Variants in MTHFD1 observed in about 807,000 individuals in gnomAD.
The protein encoded by MTHFD1 is C-1-tetrahydrofolate synthase, cytoplasmic.
In MTHFD1, 44 loss-of-function variants were observed where a neutral mutation model predicts 110.3. That is an observed-to-expected ratio of 0.40 (90% confidence interval 0.31 to 0.51). The LOEUF (loss-of-function observed/expected upper bound fraction) is 0.51, where lower values mean the gene tolerates loss of function less well. Ranked by LOEUF, MTHFD1 falls within the 20% of genes least tolerant of loss-of-function variation. The probability of loss-of-function intolerance (pLI) is 0.60; values close to 1 mark genes in which losing one functional copy is unlikely to be tolerated. For missense variants in MTHFD1, 909 were observed against 1,173.1 expected (o/e 0.77, Z 3.29); for synonymous variants, 402 against 428.8 (o/e 0.94, Z 0.77).
intron 14 of MTHFD1, 67 bp downstream of exon 14, chr14:64,431,706 GT>G (rs1259498156): frequency 8.8e-6 from 14 of 1,594,786 alleles, no homozygotes; most frequent in Non-Finnish European, 1.1e-5. Flanking sequence ...CTGAATTAGT[GT>G]TGGTGTCTTG....
Position 64,453,797 on chromosome 14 carries a change from A to G in MTHFD1, c.2501A>G (p.Tyr834Cys). Residue 834 changes from tyrosine (Y) to cysteine (C), a missense_variant, in exon 25 of 28, where the codon TAT (tyrosine) becomes TGT (cysteine). Physicochemically the swap from Tyr to Cys is radical, Grantham distance 194. Around this residue, in one of 3 missense-constraint regions of MTHFD1, gnomAD observed 482 missense variants for 646.0 expected, o/e 0.75. Transcript: ENST00000652337. ...ATCAGGATCATTGCACAGAAGATCT[A>G]TGGAGCAGATGACATTGAATTACTT... ...DKIRIIAQKI[Y>C]GADDIELLPE... 3 of 1,613,156 alleles carry G rather than the reference A, an allele frequency of 1.9e-6. No individual in the cohort carries two copies. Among genetic ancestry groups the G allele is most frequent in the Non-Finnish European group, 2.5e-6 (3 of 1,179,206 alleles).
At chr14:64,402,577 C>T (rs1001520822) in intron 2 of MTHFD1, among the ~76,000 whole-genome samples, 2 of 152,048 alleles carry the variant, frequency 1.3e-5, no homozygotes, top group Non-Finnish European at 2.9e-5. Flanking sequence ...TATAAAAATG[C>T]ATCTGTTTCA....
rs1420295164 is a variant in MTHFD1 at position 64,417,142 on chromosome 14, A to G, written c.479-746A>G. On this transcript the variant is annotated intron_variant, in intron 6 of 27. Coordinates refer to ENST00000652337, the MANE Select transcript of MTHFD1 (RefSeq NM_005956.4). The surrounding 1 kb of genome is among the most constrained non-coding windows in gnomAD (Gnocchi z 4.4). ...TTTCGGGCTCCACTTTGTGGCCACA[A>G]ACACCTACAGCCTGGTTCCATCCTC... is the stretch of plus-strand genomic sequence containing the variant. Among the ~76,000 whole-genome samples, 1 of 152,124 alleles carries G rather than the reference A, an allele frequency of 6.6e-6. No individual in the cohort carries two copies. The highest frequency in any genetic ancestry group is 1.5e-5 in the Non-Finnish European group (1 of 68,038).
chr14:64,390,137 C>T (rs2077792949), intron 1 of MTHFD1, among the ~76,000 whole-genome samples: 1 of 152,096 alleles, frequency 6.6e-6, no homozygotes, highest in African/African-American at 2.4e-5. Context: ...CCTTTCTGTG[C>T]CAAAGTTTCC....
chr14:64,459,905 C>T lies in MTHFD1; in HGVS notation c.*151C>T, dbSNP rs2078534846. On this transcript the variant is annotated 3_prime_UTR_variant, in exon 28 of 28. Transcript: ENST00000652337. ...TAATAGTAGGAGTTTCCCCAGAAGTCATTTTCAGCCTTAATTCTCATCATG... is the reference window on the plus strand; with the variant it reads ...TAATAGTAGGAGTTTCCCCAGAAGTTATTTTCAGCCTTAATTCTCATCATG... 2.0e-6 allele frequency: 3 copies of T among 1,535,944 alleles called. No individual in the cohort carries two copies. The East Asian group carries it at 7.3e-5, about 38-fold the overall frequency.
At chr14:64,432,646 T>C (rs1277501909) in intron 15 of MTHFD1, among the ~76,000 whole-genome samples, 1 of 152,200 alleles carries the variant, frequency 6.6e-6, no homozygotes, top group Non-Finnish European at 1.5e-5. Flanking sequence ...TATGATATTC[T>C]CAATAAGAGA....
At chr14:64,400,973 T>TG in intron 2 of MTHFD1, 96 bp downstream of exon 2, 1 of 909,204 alleles carries the variant, frequency 1.1e-6, no homozygotes, top group East Asian at 2.7e-5. Context: ...TTTTTTTGGC[T>TG]GTTGTGTAAT....
At chr14:64,407,697 A>G (rs1175324879) in intron 2 of MTHFD1, among the ~76,000 whole-genome samples, 1 of 151,790 alleles carries the variant, frequency 6.6e-6, no homozygotes, top group Non-Finnish European at 1.5e-5. Context: ...CTACAGGCAC[A>G]CCACCATGCC....
chr14:64,450,090 A>G (rs1040748677), intron 24 of MTHFD1, among the ~76,000 whole-genome samples: 1 of 152,236 alleles, frequency 6.6e-6, no homozygotes, highest in Non-Finnish European at 1.5e-5. Context: ...GCGTCCGCCC[A>G]GACAGCCTTC....
At chr14:64,447,699 T>G (rs536274856) in intron 22 of MTHFD1, among the ~76,000 whole-genome samples, 1 of 152,220 alleles carries the variant, frequency 6.6e-6, no homozygotes, top group South Asian at 2.1e-4. Flanking sequence ...CATCACTGCT[T>G]ACTTCATATT....
In MTHFD1 at chr14:64,447,051, G is replaced by T. The variant is rs552426218; in HGVS notation, c.2179-1166G>T. Among the ~76,000 whole-genome samples, 14 of 151,678 alleles carry T rather than the reference G, an allele frequency of 9.2e-5. No homozygotes were observed. In the South Asian group the frequency reaches 2.5e-3, roughly 27 times the overall value. ...GACGGGGTCTCCCTATGTTGCCCAG[G>T]CAGGCTGCTGTCGAACTCCTAGGTG... On this transcript the variant is annotated intron_variant, in intron 22 of 27. Coordinates refer to ENST00000652337, the MANE Select transcript of MTHFD1 (RefSeq NM_005956.4).
chr14:64,444,597 C>T, intron 21 of MTHFD1, 96 bp from the exon 22 acceptor site: 1 of 1,325,622 alleles, frequency 7.5e-7, no homozygotes, highest in Non-Finnish European at 1.1e-6. Flanking sequence ...AGCCTGCAAG[C>T]ATTGCAGCGT....
intron 22 of MTHFD1, 92 bp downstream of exon 22, chr14:64,444,826 T>C: frequency 3.6e-6 from 5 of 1,405,452 alleles, no homozygotes; most frequent in Non-Finnish European, 5.0e-6. Context: ...ATGAATGGGT[T>C]ATTGCTGTGA....
chr14:64,441,651 A>C (rs1251508626), intron 19 of MTHFD1, 198 bp downstream of exon 19: 1 of 592,712 alleles, frequency 1.7e-6, no homozygotes, highest in East Asian at 3.1e-5. Flanking sequence ...CTAAAAATAC[A>C]AAAAATTAGC....
At position 64,424,784 on chromosome 14, in the gene MTHFD1, T is replaced by A. The variant is rs764316290; in HGVS notation, c.728-20T>A. 4.3e-6 allele frequency: 7 copies of A among 1,613,320 alleles called. No individual in the cohort carries two copies. The East Asian group carries it at 1.3e-4, about 31-fold the overall frequency. On this transcript the variant is annotated intron_variant, in intron 8 of 27. Coordinates refer to ENST00000652337, the MANE Select transcript of MTHFD1 (RefSeq NM_005956.4). Reference sequence around the variant, plus strand: ...CTGTGATTCTGAGACTTAGTTTTGATTTCTCCCCCACTTGACCAGATGATA... The same window carrying A: ...CTGTGATTCTGAGACTTAGTTTTGAATTCTCCCCCACTTGACCAGATGATA...
intron 1 of MTHFD1, among the ~76,000 whole-genome samples, chr14:64,391,253 T>C (rs1378158763): frequency 2.0e-5 from 3 of 151,772 alleles, no homozygotes; most frequent in Non-Finnish European, 4.4e-5. Context: ...TAACCTCCAC[T>C]TCCTGGGTTC....
In MTHFD1 at chr14:64,411,356, C is replaced by T. The variant is rs551425304; in HGVS notation, c.186+207C>T. Among the ~76,000 whole-genome samples, 11 of 152,312 alleles carry T rather than the reference C, an allele frequency of 7.2e-5. No homozygotes were observed. In the South Asian group the frequency reaches 2.1e-3, roughly 29 times the overall value. ...TTTTTGTTTTCTCATTAATGATTTTCTTCCCAAAGAGCAGGATGTCAATTG... is the reference window on the plus strand; with the variant it reads ...TTTTTGTTTTCTCATTAATGATTTTTTTCCCAAAGAGCAGGATGTCAATTG... On this transcript the variant is annotated intron_variant, in intron 3 of 27. Transcript: ENST00000652337.
chr14:64,395,830 C>G (rs1370575959), intron 1 of MTHFD1, among the ~76,000 whole-genome samples: 1 of 152,030 alleles, frequency 6.6e-6, no homozygotes, highest in Non-Finnish European at 1.5e-5. Context: ...ATCGAAAAAC[C>G]CTGATCAAGA....
intron 16 of MTHFD1, among the ~76,000 whole-genome samples, chr14:64,436,569 A>C (rs2078207584): frequency 6.6e-6 from 1 of 152,160 alleles, no homozygotes; most frequent in Admixed American, 6.5e-5. Context: ...CAACAATGCA[A>C]CCTTCTATTC....
Sources: gnomAD v4.1 joint callset for allele counts (sites outside exome capture counted in the v4.1 genomes callset) on GRCh38, gnomAD v4.1.1 for gene constraint, gnomAD v4.1.1 regional missense constraint, Gnocchi (gnomAD v3.1) non-coding constraint, MANE v1.5 for transcripts, NCBI Gene and HGNC (gene_info 2026-07-23, HGNC 2026-07-21) for gene names.